Variants in CEMIP observed in about 807,000 individuals in gnomAD.
CEMIP encodes the protein cell migration inducing hyaluronidase 1, also known as cell migration-inducing and hyaluronan-binding protein.
CEMIP carries 105 observed loss-of-function variants against 156.9 expected under a neutral mutation model. The observed-to-expected ratio is 0.67, with a 90% CI of 0.57 to 0.79. The LOEUF (loss-of-function observed/expected upper bound fraction) is 0.79, where lower values mean the gene tolerates loss of function less well. Among genes scored for constraint, CEMIP ranks in the 30% least tolerant of loss-of-function variants. The pLI, the probability that CEMIP is intolerant of heterozygous loss-of-function variation, is 0.00. For synonymous variants in CEMIP, 676 were observed against 668.4 expected (o/e 1.01, Z -0.17); for missense variants, 1,457 against 1,769.4 (o/e 0.82, Z 3.17).
chr15:80,830,186 T>C (rs2141676206), intron 1 of CEMIP, among the ~76,000 whole-genome samples: 1 of 152,332 alleles, frequency 6.6e-6, no homozygotes, highest in Middle Eastern at 3.4e-3. Flanking sequence ...CATCCGCCCA[T>C]AAACTTCCTT....
At chr15:80,812,099 G>A (rs1896686255) in intron 1 of CEMIP, among the ~76,000 whole-genome samples, 1 of 151,990 alleles carries the variant, frequency 6.6e-6, no homozygotes, top group Non-Finnish European at 1.5e-5. Context: ...CTACAGGGCT[G>A]AACTCCTGGG....
At chr15:80,813,459 C>T (rs1210538742) in intron 1 of CEMIP, among the ~76,000 whole-genome samples, 1 of 150,614 alleles carries the variant, frequency 6.6e-6, no homozygotes. Flanking sequence ...AAGCGATTCT[C>T]CTGCCTCAGC....
intron 7 of CEMIP, among the ~76,000 whole-genome samples, chr15:80,886,571 C>T (rs1898850099): frequency 6.6e-6 from 1 of 152,120 alleles, no homozygotes; most frequent in Non-Finnish European, 1.5e-5. Context: ...AATCTCTTTC[C>T]TTCTACTCTT....
intron 1 of CEMIP, among the ~76,000 whole-genome samples, chr15:80,855,454 CA>C (rs1487089796): frequency 6.6e-6 from 1 of 152,076 alleles, no homozygotes; most frequent in African/African-American, 2.4e-5. Flanking sequence ...GTGGCAAACA[CA>C]GCTCGTTCTC....
intron 1 of CEMIP, among the ~76,000 whole-genome samples, chr15:80,782,702 C>G (rs752116462): frequency 6.6e-5 from 10 of 152,198 alleles, no homozygotes; most frequent in Non-Finnish European, 1.3e-4. Context: ...TCCTTCTGCT[C>G]TTAATAGCTC....
chr15:80,881,128 T>C lies in CEMIP; in HGVS notation c.609T>C (p.His203=). Residue 203 remains histidine (H), a synonymous_variant, in exon 6 of 30, where the codon CAT becomes CAC. Transcript: ENST00000394685. ...ACCCCAAATCAGGCACAGTCATCCA[T>C]TCTGACCGGTAAGGTTTGCCTTCAC... ...VIDPKSGTVI[H]SDRFDTYRSK... is the part of the protein sequence containing the mutation. 6.2e-7 allele frequency: 1 copy of C among 1,613,788 alleles called. No individual in the cohort carries two copies. The highest frequency in any genetic ancestry group is 1.3e-5 in the African/African-American group (1 of 75,056).
intron 1 of CEMIP, among the ~76,000 whole-genome samples, chr15:80,825,879 C>T (rs1897026187): frequency 6.6e-6 from 1 of 152,150 alleles, no homozygotes; most frequent in Non-Finnish European, 1.5e-5. Flanking sequence ...ACAGACTGCC[C>T]GAGGGCACAT....
intron 27 of CEMIP, among the ~76,000 whole-genome samples, 173 bp downstream of exon 27, chr15:80,942,510 G>A (rs1400228158): frequency 6.6e-6 from 1 of 152,104 alleles, no homozygotes; most frequent in Non-Finnish European, 1.5e-5. Context: ...CGCTCCTGGT[G>A]GCTGCCAGCA....
chr15:80,849,157 A>AT (rs905490048), intron 1 of CEMIP, among the ~76,000 whole-genome samples: 24 of 150,944 alleles, frequency 1.6e-4, no homozygotes, highest in Admixed American at 1.2e-3. Flanking sequence ...ACAGCTGGCT[A>AT]TTTTTTTTGT....
intron 1 of CEMIP, among the ~76,000 whole-genome samples, chr15:80,857,997 A>G (rs1011291819): frequency 6.6e-5 from 10 of 152,190 alleles, no homozygotes; most frequent in Non-Finnish European, 1.2e-4. Context: ...GGCATCTTCA[A>G]GGAAATGACA....
chr15:80,841,177 G>A (rs932116153), intron 1 of CEMIP, among the ~76,000 whole-genome samples: 1 of 152,208 alleles, frequency 6.6e-6, no homozygotes, highest in African/African-American at 2.4e-5. Flanking sequence ...TTCCAGCAAA[G>A]CTGGAAATCC....
intron 1 of CEMIP, among the ~76,000 whole-genome samples, chr15:80,794,989 C>T (rs1341303312): frequency 6.6e-6 from 1 of 151,826 alleles, no homozygotes; most frequent in African/African-American, 2.4e-5. Context: ...CTAGAAAGAC[C>T]AAGAGTGGGG....
chr15:80,942,098 G>T, intron 26 of CEMIP, 45 bp downstream of exon 26: 1 of 1,584,766 alleles, frequency 6.3e-7, no homozygotes, highest in Non-Finnish European at 8.6e-7. Context: ...CCGTCCAGTC[G>T]GGCCTAGAGC....
intron 1 of CEMIP, among the ~76,000 whole-genome samples, chr15:80,820,406 G>A (rs1190927557): frequency 2.0e-5 from 3 of 152,156 alleles, no homozygotes; most frequent in African/African-American, 4.8e-5. Flanking sequence ...TCATAGATGC[G>A]TATGCTCTCC....
chr15:80,842,758 C>A (rs1166528968), intron 1 of CEMIP, among the ~76,000 whole-genome samples: 3 of 152,042 alleles, frequency 2.0e-5, no homozygotes, highest in Middle Eastern at 3.2e-3. Flanking sequence ...GAGAGAAATC[C>A]AGGATGTGGA....
rs1567088087 is a variant in CEMIP, at chr15:80,895,991, A to G, written c.1342A>G (p.Met448Val). ...TLVIASTDYS[M>V]YQAEEFQVLP... Reference sequence around the variant, plus strand: ...GGTCATTGCCAGTACTGATTACTCCATGTACCAGGCAGAAGAGTTCCAGGT... The same window carrying G: ...GGTCATTGCCAGTACTGATTACTCCGTGTACCAGGCAGAAGAGTTCCAGGT... Residue 448 changes from methionine (M) to valine (V), a missense_variant, in exon 12 of 30, where the codon ATG (methionine) becomes GTG (valine). Physicochemically the swap from Met to Val is conservative, Grantham distance 21. Around this residue, in one of 5 missense-constraint regions of CEMIP, gnomAD observed 280 missense variants for 300.3 expected, o/e 0.93. Transcript: ENST00000394685. 1.2e-6 allele frequency: 2 copies of G among 1,614,206 alleles called. No individual in the cohort carries two copies. The highest frequency in any genetic ancestry group is 2.7e-5 in the African/African-American group (2 of 75,046).
At chr15:80,947,312 T>C (rs764515294) in intron 29 of CEMIP, 100 of 489,830 alleles carry the variant, frequency 2.0e-4, no homozygotes, top group Non-Finnish European at 3.2e-4. Context: ...AAAATTGCTA[T>C]ATTTGTTGAC....
At chr15:80,873,443 A>C (rs1898361988) in intron 1 of CEMIP, 95 bp from the exon 2 acceptor site, 4 of 262,456 alleles carry the variant, frequency 1.5e-5, no homozygotes. Context: ...GAGATTAAAC[A>C]GATCATCTGA....
intron 1 of CEMIP, among the ~76,000 whole-genome samples, chr15:80,795,758 A>T (rs1896207677): frequency 6.6e-6 from 1 of 151,560 alleles, no homozygotes; most frequent in African/African-American, 2.4e-5. Flanking sequence ...ACACAGCAAG[A>T]CCCCCATCTA....
Sources: allele counts gnomAD v4.1 joint callset (sites outside exome capture counted in the v4.1 genomes callset), GRCh38; gene constraint gnomAD v4.1.1; regional missense constraint gnomAD v4.1.1; transcripts MANE v1.5; gene names NCBI Gene and HGNC (gene_info 2026-07-23, HGNC 2026-07-21).